The following LRRC7 variants were observed in gnomAD, a reference collection of about 807,000 sequenced individuals.
The protein encoded by LRRC7 is leucine rich repeat containing 7, also known as leucine-rich repeat-containing protein 7.
LRRC7 carries 23 observed loss-of-function variants against 175.7 expected under a neutral mutation model. That is an observed-to-expected ratio of 0.13 (90% CI 0.09 to 0.19). The LOEUF (loss-of-function observed/expected upper bound fraction) is 0.19. Ranked by LOEUF, LRRC7 falls within the 10% of genes least tolerant of loss-of-function variation. The pLI, the probability that LRRC7 is intolerant of heterozygous loss-of-function variation, is 1.00. For missense variants in LRRC7, 1,354 were observed against 1,904.7 expected (o/e 0.71, Z 5.38); for synonymous variants, 685 against 680.9 (o/e 1.01, Z -0.09).
chr1:70,083,388 T>C lies in LRRC7; in HGVS notation c.4453-6339T>C, dbSNP rs193138264. Among the ~76,000 whole-genome samples, 201 of 152,258 alleles carry C rather than the reference T, an allele frequency of 1.3e-3. 1 individual carries two copies. The highest frequency in any genetic ancestry group is 3.1e-4 in the Non-Finnish European group (21 of 68,012). On this transcript the variant is annotated intron_variant, in intron 24 of 26. Transcript: ENST00000651989. ...GCTTATTATTGCATAGCACTCTTTA[T>C]CATAAAACTGCTGTTATATAATAAC... is the stretch of plus-strand genomic sequence containing the variant.
chr1:69,729,216 A>T (rs1483318308), intron 2 of LRRC7, among the ~76,000 whole-genome samples: 1 of 152,176 alleles, frequency 6.6e-6, no homozygotes, highest in East Asian at 1.9e-4. Context: ...CAGCCAAACC[A>T]TATCATTCTA....
intron 2 of LRRC7, among the ~76,000 whole-genome samples, chr1:69,733,011 A>G (rs546230465): frequency 4.6e-5 from 7 of 152,060 alleles, no homozygotes; most frequent in Non-Finnish European, 1.0e-4. Flanking sequence ...AGAAATCTAG[A>G]TGTGTTTCTG....
intron 1 of LRRC7, among the ~76,000 whole-genome samples, chr1:69,616,095 T>C (rs1649568057): frequency 6.6e-6 from 1 of 152,100 alleles, no homozygotes; most frequent in Non-Finnish European, 1.5e-5. Flanking sequence ...TCCAATGTCA[T>C]GTTAGCATTG....
chr1:70,119,156 A>T (rs1666053392), intron 26 of LRRC7, among the ~76,000 whole-genome samples: 1 of 152,014 alleles, frequency 6.6e-6, no homozygotes, highest in African/African-American at 2.4e-5. Context: ...AACTGTTAAC[A>T]TACTGAGGGC....
intron 25 of LRRC7, among the ~76,000 whole-genome samples, chr1:70,094,514 T>C (rs1408316146): frequency 1.3e-5 from 2 of 152,188 alleles, no homozygotes; most frequent in East Asian, 1.9e-4. Context: ...TGTCCTAGAA[T>C]TTCAGAATAA....
At chr1:69,666,296 T>A (rs757017957) in intron 1 of LRRC7, among the ~76,000 whole-genome samples, 27 of 152,080 alleles carry the variant, frequency 1.8e-4, no homozygotes, top group Non-Finnish European at 3.1e-4. Flanking sequence ...TCTATTGATG[T>A]ATCTTTGGGT....
intron 24 of LRRC7, among the ~76,000 whole-genome samples, chr1:70,085,190 A>G (rs931351518): frequency 9.2e-5 from 14 of 152,110 alleles, no homozygotes; most frequent in African/African-American, 3.4e-4. Flanking sequence ...TTGGTTTCAT[A>G]TTTAAGAATC....
chr1:70,024,643 T>C (rs901449744), intron 17 of LRRC7, among the ~76,000 whole-genome samples: 1 of 152,134 alleles, frequency 6.6e-6, no homozygotes, highest in East Asian at 1.9e-4. Flanking sequence ...AATAAATGAA[T>C]TTATATATTT....
At chr1:69,867,398 C>G (rs572859288) in intron 7 of LRRC7, among the ~76,000 whole-genome samples, 1 of 152,250 alleles carries the variant, frequency 6.6e-6, no homozygotes, top group Admixed American at 6.5e-5. Context: ...TAACATTATA[C>G]ATAAGGTACC....
At chr1:69,889,731 T>A (rs551864925) in intron 7 of LRRC7, among the ~76,000 whole-genome samples, 16 of 147,066 alleles carry the variant, frequency 1.1e-4, no homozygotes, top group African/African-American at 4.4e-4. Context: ...CACTTGAGCC[T>A]GGCTGGTTAA....
At chr1:69,962,860 A>C (rs1651253380) in intron 8 of LRRC7, among the ~76,000 whole-genome samples, 1 of 152,080 alleles carries the variant, frequency 6.6e-6, no homozygotes, top group South Asian at 2.1e-4. Flanking sequence ...AATCAGGAAA[A>C]ACGACTAACG....
chr1:70,043,786 C>T (rs1660112132), intron 21 of LRRC7, among the ~76,000 whole-genome samples, 168 bp from the exon 22 acceptor site: 1 of 152,160 alleles, frequency 6.6e-6, no homozygotes, highest in African/African-American at 2.4e-5. Flanking sequence ...ATGTGCATAA[C>T]TAACACTGTT....
chr1:69,638,577 C>T (rs1307091859), intron 1 of LRRC7, among the ~76,000 whole-genome samples: 1 of 151,574 alleles, frequency 6.6e-6, no homozygotes, highest in East Asian at 1.9e-4. Flanking sequence ...AGTTAAGAAC[C>T]GAGAGTATAT....
chr1:70,080,214 T>C (rs1319728118), intron 24 of LRRC7, among the ~76,000 whole-genome samples: 1 of 152,208 alleles, frequency 6.6e-6, no homozygotes, highest in East Asian at 1.9e-4. Context: ...ATGGAAACTT[T>C]TATTATTAAT....
At chr1:69,619,717 CTT>C (rs1650253386) in intron 1 of LRRC7, among the ~76,000 whole-genome samples, 2 of 152,054 alleles carry the variant, frequency 1.3e-5, no homozygotes, top group Admixed American at 1.3e-4. Context: ...TTTTGGAAAA[CTT>C]TTATCGGCCA....
In LRRC7 at chr1:69,834,840, T is replaced by C; in HGVS notation, c.561T>C (p.Phe187=). The C allele has an allele frequency of 6.2e-7, 1 of 1,613,264 alleles. No homozygotes were observed. The change falls in exon 6 of 27, where the codon TTT becomes TTC. Residue 187 remains phenylalanine (F), a synonymous_variant. Coordinates refer to ENST00000651989, the MANE Select transcript of LRRC7 (RefSeq NM_001370785.2). Reference sequence around the variant, plus strand: ...CCCAGCTCTACCTGAATGACGCCTTTCTTGAATTTCTTCCAGCCAATTTTG... The same window carrying C: ...CCCAGCTCTACCTGAATGACGCCTTCCTTGAATTTCTTCCAGCCAATTTTG... The part of the protein sequence containing the change: ...NLTQLYLNDA[F]LEFLPANFGR...
intron 18 of LRRC7, among the ~76,000 whole-genome samples, chr1:70,028,843 CTT>C (rs1217227382): frequency 6.6e-6 from 1 of 152,086 alleles, no homozygotes; most frequent in Non-Finnish European, 1.5e-5. Flanking sequence ...GAGGACATAA[CTT>C]TGAAATTTAG....
Position 70,121,950 on chromosome 1 carries a change from C to T in LRRC7, c.*63C>T, listed in dbSNP as rs1666232531. 36 of 1,240,742 alleles carry T rather than the reference C, an allele frequency of 2.9e-5. No homozygotes were observed. The South Asian group carries it at 4.5e-4, about 15-fold the overall frequency. 76.9% of individuals were successfully genotyped at this position (1,240,742 alleles called of 1,614,324 possible). The stretch of plus-strand genomic sequence containing the variant: ...CCTAATGTTCAAAAATAAATTTATA[C>T]ATAGAAACAAATTTTGCCAATTGCT... On this transcript the variant is annotated 3_prime_UTR_variant, in exon 27 of 27. Transcript: ENST00000651989.
At chr1:69,681,767 C>G (rs1660517444) in intron 2 of LRRC7, among the ~76,000 whole-genome samples, 4 of 152,096 alleles carry the variant, frequency 2.6e-5, no homozygotes, top group Admixed American at 2.6e-4. Flanking sequence ...TACTTGCCTC[C>G]CACTCACTCC....
Sources: gnomAD v4.1 joint callset for allele counts (sites outside exome capture counted in the v4.1 genomes callset) on GRCh38, gnomAD v4.1.1 for gene constraint, MANE v1.5 for transcripts, NCBI Gene and HGNC (gene_info 2026-07-23, HGNC 2026-07-21) for gene names.